Variants in CAPN8 observed in about 807,000 individuals in gnomAD.
The protein encoded by CAPN8 is calpain-8.
CAPN8 carries 87 observed loss-of-function variants against 80.9 expected under a neutral mutation model. The observed-to-expected ratio is 1.07, with a 90% CI of 0.90 to 1.28. The LOEUF (loss-of-function observed/expected upper bound fraction) is 1.28, where lower values mean the gene tolerates loss of function less well. Among genes scored for constraint, CAPN8 ranks in the 50% most tolerant of loss-of-function variants. The pLI, the probability that CAPN8 is intolerant of heterozygous loss-of-function variation, is 0.00. For missense variants in CAPN8, 757 were observed against 702.0 expected (o/e 1.08, Z -0.89); for synonymous variants, 299 against 273.8 (o/e 1.09, Z -0.91).
intron 16 of CAPN8, 91 bp downstream of exon 16, chr1:223,549,227 C>T (rs1213554028): frequency 1.6e-5 from 24 of 1,492,630 alleles, no homozygotes; most frequent in Admixed American, 4.4e-5. Context: ...ATTTTTTACC[C>T]GTCCCTTCCT....
At position 223,555,837 on chromosome 1, in the gene CAPN8, T is replaced by G. The variant is rs1474595437; in HGVS notation, c.1573-1937A>C. On this transcript the variant is annotated intron_variant, in intron 13 of 20. Transcript: ENST00000366872. The stretch of plus-strand genomic sequence containing the variant: ...GTTGCAACTGTGGTACTTCACAATT[T>G]GTCCATTCAAAAAAAGATTTACTGA... Among the ~76,000 whole-genome samples, 4 of 152,212 alleles carry G rather than the reference T, an allele frequency of 2.6e-5. No individual in the cohort carries two copies. The East Asian group carries it at 7.7e-4, about 29-fold the overall frequency.
intron 7 of CAPN8, among the ~76,000 whole-genome samples, chr1:223,622,254 C>T (rs1272829699): frequency 6.6e-6 from 1 of 150,520 alleles, no homozygotes; most frequent in East Asian, 1.9e-4. Flanking sequence ...GACATCACCA[C>T]CTCTGACTGA....
Position 223,544,142 on chromosome 1 carries a change from G to T in CAPN8, c.1954C>A (p.Arg652=). The T allele has an allele frequency of 1.4e-6, 1 of 718,262 alleles. No homozygotes were observed. Among genetic ancestry groups the T allele is most frequent in the Non-Finnish European group, 2.6e-6 (1 of 385,096 alleles). The allele number at this position is 718,262 out of a possible 1,614,324, so 44.5% of individuals were successfully genotyped here. A position where few individuals can be genotyped will look rare whatever the true frequency, so the allele number is the denominator to read the frequency against. ...NSQVQQTIAL[R]YACSKLGINF... ...ATGCCAAGCTTGCTGCACGCATACCGCAGGGCAATGGTCTGCTGCACCTGG... is the reference window on the plus strand; with the variant it reads ...ATGCCAAGCTTGCTGCACGCATACCTCAGGGCAATGGTCTGCTGCACCTGG... Residue 652 remains arginine, a synonymous_variant, in exon 19 of 21, where the codon CGG becomes AGG. Coordinates refer to ENST00000366872, the MANE Select transcript of CAPN8 (RefSeq NM_001143962.2).
intron 2 of CAPN8, among the ~76,000 whole-genome samples, chr1:223,652,674 T>A (rs1658373391): frequency 6.6e-6 from 1 of 152,046 alleles, no homozygotes; most frequent in Non-Finnish European, 1.5e-5. Flanking sequence ...GCTGTGAATC[T>A]CCTCTTCTAC....
At chr1:223,612,898 C>A (rs573631528) in intron 10 of CAPN8, among the ~76,000 whole-genome samples, 1 of 152,280 alleles carries the variant, frequency 6.6e-6, no homozygotes, top group Non-Finnish European at 1.5e-5. Context: ...TCCCTTGTCC[C>A]AAGCCTTCAT....
chr1:223,554,761 G>A (rs1299321676), intron 13 of CAPN8, among the ~76,000 whole-genome samples: 1 of 152,198 alleles, frequency 6.6e-6, no homozygotes, highest in Non-Finnish European at 1.5e-5. Flanking sequence ...AACATCCATG[G>A]CCTCCACTCT....
intron 1 of CAPN8, among the ~76,000 whole-genome samples, chr1:223,662,610 A>G (rs1183814869): frequency 6.6e-6 from 1 of 152,188 alleles, no homozygotes; most frequent in East Asian, 1.9e-4. Context: ...AGCAATGGGA[A>G]TGTACTTAAT....
At chr1:223,631,099 C>CAA (rs1350744041) in intron 2 of CAPN8, among the ~76,000 whole-genome samples, 3 of 152,146 alleles carry the variant, frequency 2.0e-5, no homozygotes, top group Non-Finnish European at 4.4e-5. Context: ...TCTAATCTCC[C>CAA]AATCGAACTT....
chr1:223,613,829 G>A (rs772327429), intron 10 of CAPN8, among the ~76,000 whole-genome samples: 48 of 152,130 alleles, frequency 3.2e-4, no homozygotes, highest in Non-Finnish European at 6.2e-4. Flanking sequence ...CCCACTCCCT[G>A]CAACCCCAGC....
chr1:223,652,834 G>A (rs1159305267), intron 2 of CAPN8, among the ~76,000 whole-genome samples: 1 of 152,056 alleles, frequency 6.6e-6, no homozygotes, highest in East Asian at 1.9e-4. Context: ...GATGTGAGCT[G>A]GATTCGGAGA....
At chr1:223,611,486 C>T (rs977672665) in intron 11 of CAPN8, among the ~76,000 whole-genome samples, 1 of 152,326 alleles carries the variant, frequency 6.6e-6, no homozygotes, top group Admixed American at 6.5e-5. Flanking sequence ...TGTGGACCTG[C>T]CTGTCAGCTG....
intron 20 of CAPN8, 28 bp downstream of exon 20, chr1:223,543,080 G>A: frequency 1.3e-6 from 2 of 1,551,180 alleles, no homozygotes; most frequent in African/African-American, 1.4e-5. Flanking sequence ...CCATCAGCCA[G>A]CAATTCATCA....
At chr1:223,639,429 AT>A (rs1316223950) in intron 2 of CAPN8, among the ~76,000 whole-genome samples, 1 of 152,206 alleles carries the variant, frequency 6.6e-6, no homozygotes, top group African/African-American at 2.4e-5. Context: ...TGTTACAATC[AT>A]TTTAATCGGG....
intron 4 of CAPN8, 27 bp downstream of exon 4, chr1:223,627,982 T>TCCCAGCTCCTGGCTTCC (rs768248300): frequency 6.6e-7 from 1 of 1,513,306 alleles, no homozygotes; most frequent in South Asian, 1.3e-5. Context: ...CTCTGGCGTC[T>TCCCAGCTCCTGGCTTCC]CCCAGCTCCT....
chr1:223,624,048 A>G (rs536495437), intron 6 of CAPN8, among the ~76,000 whole-genome samples: 1 of 152,106 alleles, frequency 6.6e-6, no homozygotes, highest in East Asian at 1.9e-4. Context: ...ACACAAACAC[A>G]TGTAAAGAAC....
At chr1:223,619,531 G>A in intron 8 of CAPN8, 78 bp from the exon 9 acceptor site, 1 of 1,480,210 alleles carries the variant, frequency 6.8e-7, no homozygotes, top group Non-Finnish European at 9.1e-7. Context: ...AGCACGGGAA[G>A]GAGCCCTGTG....
At chr1:223,544,302 C>T (rs764228125) in intron 18 of CAPN8, 119 bp from the exon 19 acceptor site, 17 of 637,632 alleles carry the variant, frequency 2.7e-5, no homozygotes, top group African/African-American at 2.3e-4. Context: ...AATCTGCAAA[C>T]CAGGCCTGAC....
intron 15 of CAPN8, among the ~76,000 whole-genome samples, chr1:223,550,051 C>T (rs1656742079): frequency 6.6e-6 from 1 of 152,208 alleles, no homozygotes. Flanking sequence ...ATGACAGCAG[C>T]TATCCTTCCT....
In CAPN8 at chr1:223,541,776, A is replaced by G; in HGVS notation, c.*60T>C. ...CATAAATGTTCACAAAATTGTAGAG[A>G]AGGGGTGACAAGAAGCAAGCAGTGG... On this transcript the variant is annotated 3_prime_UTR_variant, in exon 21 of 21. Coordinates refer to ENST00000366872, the MANE Select transcript of CAPN8 (RefSeq NM_001143962.2). The G allele has an allele frequency of 6.4e-7, 1 of 1,551,268 alleles. No individual in the cohort carries two copies. Among genetic ancestry groups the G allele is most frequent in the South Asian group, 1.2e-5 (1 of 84,032 alleles).
Sources: gnomAD v4.1 joint callset for allele counts (sites outside exome capture counted in the v4.1 genomes callset) on GRCh38, gnomAD v4.1.1 for gene constraint, MANE v1.5 for transcripts, NCBI Gene and HGNC (gene_info 2026-07-23, HGNC 2026-07-21) for gene names.